TLN2: variants seen among roughly 807,000 people sequenced by gnomAD.
The protein encoded by TLN2 is talin-2.
Under a neutral mutation model 294.7 loss-of-function variants are expected in TLN2, and 118 were observed. That is an observed-to-expected ratio of 0.40 (90% CI 0.34 to 0.47). The LOEUF (loss-of-function observed/expected upper bound fraction) is 0.47. Among genes scored for constraint, TLN2 ranks in the 20% least tolerant of loss-of-function variants. The probability of loss-of-function intolerance (pLI) is 0.84; values close to 1 mark genes in which losing one functional copy is unlikely to be tolerated. For synonymous variants in TLN2, 1,431 were observed against 1,304.5 expected, an observed-to-expected ratio of 1.10 and a Z score of -2.09; for missense variants, 3,083 against 3,282.2, an observed-to-expected ratio of 0.94 and a Z score of 1.48.
chr15:62,458,781 T>G (rs994780979), intron 1 of TLN2, among the ~76,000 whole-genome samples: 4 of 151,550 alleles, frequency 2.6e-5, no homozygotes, highest in East Asian at 1.9e-4. Flanking sequence ...AAAGAAAAAA[T>G]AAAAAACTCA....
Position 62,502,442 on chromosome 15 carries a change from G to A in TLN2, c.-237-87245G>A, listed in dbSNP as rs142501180. Among the ~76,000 whole-genome samples the A allele has an allele frequency of 4.0e-4, 61 of 152,356 alleles. No homozygotes were observed. The East Asian group carries it at 5.6e-3, about 14-fold the overall frequency. On this transcript the variant is annotated intron_variant, in intron 1 of 58. Transcript: ENST00000636159. ...AGGACAAGCACTGGGAGGGGAGTCA[G>A]CCAGGGTGTCAAGCCTGTGCAGCTG...
chr15:62,631,178 GTCTC>G (rs930230289), intron 3 of TLN2, among the ~76,000 whole-genome samples: 15 of 151,928 alleles, frequency 9.9e-5, no homozygotes, highest in Admixed American at 9.8e-4. Flanking sequence ...CCAGGTTGCA[GTCTC>G]TCTCTCTCCT....
intron 1 of TLN2, among the ~76,000 whole-genome samples, chr15:62,504,846 T>TGTGTGTGTGTGAGAGA (rs1207922838): frequency 6.9e-6 from 1 of 144,392 alleles, no homozygotes; most frequent in African/African-American, 2.6e-5. Flanking sequence ...TGTGTGTGTG[T>TGTGTGTGTGTGAGAGA]GAGAGAGAGA....
chr15:62,722,080 T>C (rs1187618229), intron 25 of TLN2, among the ~76,000 whole-genome samples: 1 of 152,104 alleles, frequency 6.6e-6, no homozygotes, highest in African/African-American at 2.4e-5. Context: ...TGAAATCGGT[T>C]TTAAATGAGA....
intron 52 of TLN2, among the ~76,000 whole-genome samples, chr15:62,811,607 G>A (rs752235403): frequency 6.6e-6 from 1 of 152,216 alleles, no homozygotes; most frequent in Admixed American, 6.5e-5. Context: ...CATGGCCACT[G>A]TGTTATCTGG....
chr15:62,707,136 G>A lies in TLN2; in HGVS notation c.2055G>A (p.Leu685=). The A allele has an allele frequency of 6.2e-7, 1 of 1,614,100 alleles. No individual in the cohort carries two copies. The highest frequency in any genetic ancestry group is 1.1e-5 in the South Asian group (1 of 91,046). The part of the protein sequence containing the change: ...AKAVANAAAM[L]VLKAKNVAQV... The stretch of plus-strand genomic sequence containing the variant: ...CTGTTGCCAATGCAGCTGCCATGTT[G>A]GTACTAAAGGCAAAGAATGTTGCCC... Residue 685 remains leucine (L), a synonymous_variant, in exon 20 of 59, where the codon TTG becomes TTA. Transcript: ENST00000636159.
intron 16 of TLN2, 74 bp downstream of exon 16, chr15:62,698,941 T>C: frequency 7.3e-7 from 1 of 1,365,482 alleles, no homozygotes; most frequent in South Asian, 1.2e-5. Context: ...TCTGTCGGGA[T>C]TCATCTAGGT....
At chr15:62,581,136 T>G (rs1356834554) in intron 1 of TLN2, among the ~76,000 whole-genome samples, 2 of 152,148 alleles carry the variant, frequency 1.3e-5, no homozygotes, top group African/African-American at 4.8e-5. Context: ...TGCCTTGGCC[T>G]CCTAAAGTGC....
chr15:62,810,452 G>A (rs927955621), intron 52 of TLN2, among the ~76,000 whole-genome samples: 2 of 152,178 alleles, frequency 1.3e-5, no homozygotes, highest in Admixed American at 1.3e-4. Flanking sequence ...AAGTGAGGGA[G>A]GCTGCCAGTG....
chr15:62,740,643 A>G lies in TLN2; in HGVS notation c.3899A>G (p.Gln1300Arg), dbSNP rs750439021. The G allele has an allele frequency of 3.1e-6, 5 of 1,614,220 alleles. No homozygotes were observed. The East Asian group carries it at 8.9e-5, about 29-fold the overall frequency. ...MAGQAQTKED[Q>R]IQVIGNLKNI... ...TTGACCTTCCAGACAAAAGAAGACC[A>G]GATCCAAGTGATAGGGAACCTCAAG... is the stretch of plus-strand genomic sequence containing the variant. Residue 1300 changes from glutamine (Q) to arginine (R), a missense_variant, in exon 32 of 59, where the codon CAG becomes CGG. Coordinates refer to ENST00000636159, the MANE Select transcript of TLN2 (RefSeq NM_015059.3).
At chr15:62,645,250 T>C (rs1327153002) in intron 3 of TLN2, 1 of 152,624 alleles carries the variant, frequency 6.6e-6, no homozygotes, top group African/African-American at 2.4e-5. Context: ...AATATTGCAG[T>C]TGGGAATTGC....
chr15:62,661,898 A>G (rs1259409431), intron 9 of TLN2, among the ~76,000 whole-genome samples: 1 of 152,214 alleles, frequency 6.6e-6, no homozygotes. Context: ...AGAAGGACTA[A>G]TTTATCAGGA....
chr15:62,815,200 C>G (rs2067012449), intron 52 of TLN2, among the ~76,000 whole-genome samples: 2 of 149,844 alleles, frequency 1.3e-5, no homozygotes, highest in Non-Finnish European at 3.0e-5. Flanking sequence ...CACACACACA[C>G]ACACACACAC....
At chr15:62,595,765 A>G (rs1596290943) in intron 2 of TLN2, among the ~76,000 whole-genome samples, 1 of 152,224 alleles carries the variant, frequency 6.6e-6, no homozygotes. Flanking sequence ...ACATGGATGA[A>G]CCTGGAGAGC....
chr15:62,622,452 G>A (rs948355427), intron 3 of TLN2, among the ~76,000 whole-genome samples: 1 of 152,192 alleles, frequency 6.6e-6, no homozygotes, highest in African/African-American at 2.4e-5. Flanking sequence ...CCATTCTGTA[G>A]GGTGGAAACT....
intron 35 of TLN2, among the ~76,000 whole-genome samples, chr15:62,752,708 T>C (rs1163411212): frequency 2.0e-5 from 3 of 152,212 alleles, no homozygotes; most frequent in African/African-American, 7.2e-5. Flanking sequence ...GTTTTTATTA[T>C]AGATGAGTTG....
chr15:62,601,771 G>C (rs746384869), intron 2 of TLN2, among the ~76,000 whole-genome samples: 2 of 152,110 alleles, frequency 1.3e-5, no homozygotes, highest in Non-Finnish European at 1.5e-5. Context: ...GGATAAATAT[G>C]TTCTTTTATT....
At chr15:62,490,676 G>T (rs2038657377) in intron 1 of TLN2, among the ~76,000 whole-genome samples, 2 of 152,106 alleles carry the variant, frequency 1.3e-5, no homozygotes, top group African/African-American at 4.8e-5. Flanking sequence ...TATGTCACTT[G>T]CTGTTCTACC....
At chr15:62,457,442 T>A (rs769337939) in intron 1 of TLN2, among the ~76,000 whole-genome samples, 29 of 152,200 alleles carry the variant, frequency 1.9e-4, no homozygotes, top group Non-Finnish European at 3.5e-4. Flanking sequence ...GGGACATGAT[T>A]GAGTTCATAG....
Sources: gnomAD v4.1 joint callset for allele counts (sites outside exome capture counted in the v4.1 genomes callset) on GRCh38, gnomAD v4.1.1 for gene constraint, MANE v1.5 for transcripts, NCBI Gene and HGNC (gene_info 2026-07-23, HGNC 2026-07-21) for gene names.